DACH1: variants seen among roughly 807,000 people sequenced by gnomAD.
The protein encoded by DACH1 is dachshund family transcription factor 1, also known as dachshund homolog 1.
In DACH1, 12 loss-of-function variants were observed where a neutral mutation model predicts 54.2. That is an observed-to-expected ratio of 0.22 (90% CI 0.14 to 0.36). The LOEUF is 0.36. Ranked by LOEUF, DACH1 falls within the 10% of genes least tolerant of loss-of-function variation. The pLI is 1.00. For synonymous variants in DACH1, 386 were observed against 366.2 expected, an observed-to-expected ratio of 1.05 and a Z score of -0.62; for missense variants, 805 against 929.8, an observed-to-expected ratio of 0.87 and a Z score of 1.75.
At chr13:71,742,360 A>T (rs1884426910) in intron 1 of DACH1, among the ~76,000 whole-genome samples, 1 of 152,172 alleles carries the variant, frequency 6.6e-6, no homozygotes, top group South Asian at 2.1e-4. Context: ...AATTTTCCTC[A>T]GTTAAACTTC....
intron 6 of DACH1, among the ~76,000 whole-genome samples, chr13:71,522,768 T>C (rs1445147076): frequency 6.6e-6 from 1 of 152,142 alleles, no homozygotes; most frequent in African/African-American, 2.4e-5. Flanking sequence ...GAAAAGTTTA[T>C]TCCAAGGGTT....
At chr13:71,605,582 A>G (rs963862870) in intron 3 of DACH1, among the ~76,000 whole-genome samples, 39 of 151,990 alleles carry the variant, frequency 2.6e-4, no homozygotes, top group Admixed American at 6.6e-5. Flanking sequence ...ATAATAAAAC[A>G]TGTATGCTTA....
rs79939330 is a variant in DACH1 at position 71,578,544 on chromosome 13, C to A, written c.1127-5532G>T. 3.5e-3 allele frequency among the ~76,000 whole-genome samples: 526 copies of A among 152,238 alleles called. 1 individual carries two copies. The highest frequency in any genetic ancestry group is 0.017 in the Middle Eastern group (5 of 292). On this transcript the variant is annotated intron_variant, in intron 3 of 10. Coordinates refer to ENST00000613252, the MANE Select transcript of DACH1 (RefSeq NM_080759.6). ...GCATGAGTTGCGGAAACAGTCCTTT[C>A]ATGAAAGTTATTGTAATATAGTCTT...
At chr13:71,723,296 C>T (rs2137890191) in intron 1 of DACH1, among the ~76,000 whole-genome samples, 1 of 151,912 alleles carries the variant, frequency 6.6e-6, no homozygotes, top group Admixed American at 6.6e-5. Context: ...TGCCTGTAGC[C>T]CCAGCTACTC....
At chr13:71,481,776 T>C (rs1386990290) in intron 7 of DACH1, among the ~76,000 whole-genome samples, 1 of 152,166 alleles carries the variant, frequency 6.6e-6, no homozygotes, top group African/African-American at 2.4e-5. Context: ...AGCAGGGGGC[T>C]GGGAAAAGCA....
At position 71,817,695 on chromosome 13, in the gene DACH1, GATA is replaced by G. The variant is rs534492122; in HGVS notation, c.848+48224_848+48226del. ...TTTGTTTATATTGACTACATCTTAA[GATA>G]ATAATATTTTTAAGGTATTAAGGAA... On this transcript the variant is annotated intron_variant, in intron 1 of 10. Coordinates refer to ENST00000613252, the MANE Select transcript of DACH1 (RefSeq NM_080759.6). Among the ~76,000 whole-genome samples, 232 of 151,676 alleles carry G rather than the reference GATA, an allele frequency of 1.5e-3. 1 individual carries two copies. The highest frequency in any genetic ancestry group is 5.2e-3 in the African/African-American group (215 of 41,338).
chr13:71,848,915 G>T (rs1179551765), intron 1 of DACH1, among the ~76,000 whole-genome samples: 1 of 152,076 alleles, frequency 6.6e-6, no homozygotes, highest in Non-Finnish European at 1.5e-5. Flanking sequence ...TCTGAAATAA[G>T]GAGAAAAGTT....
At chr13:71,447,811 GA>G (rs745823885) in intron 10 of DACH1, among the ~76,000 whole-genome samples, 240 of 86,580 alleles carry the variant, frequency 2.8e-3, no homozygotes, top group African/African-American at 6.4e-3. Context: ...CCAGCCTGGA[GA>G]AAAAAAAAAA....
At chr13:71,818,904 C>A (rs1676297354) in intron 1 of DACH1, among the ~76,000 whole-genome samples, 1 of 152,144 alleles carries the variant, frequency 6.6e-6, no homozygotes, top group African/African-American at 2.4e-5. Context: ...TACATCTTTG[C>A]TAATCATGAA....
rs571116061 is a variant in DACH1 at position 71,525,912 on chromosome 13, C to CTGCTGATATACAAGTT, written c.1570+31096_1570+31111dup. ...CTGCTTCAAAATCAAGTCGAGACTG[C>CTGCTGATATACAAGTT]TGCTGATATACAAGTTTGAAGAACC... is the stretch of plus-strand genomic sequence containing the variant. On this transcript the variant is annotated intron_variant, in intron 6 of 10. Coordinates refer to ENST00000613252, the MANE Select transcript of DACH1 (RefSeq NM_080759.6). Among the ~76,000 whole-genome samples, 48 of 152,172 alleles carry CTGCTGATATACAAGTT rather than the reference C, an allele frequency of 3.2e-4. No individual in the cohort carries two copies. The South Asian group carries it at 9.5e-3, about 30-fold the overall frequency.
At chr13:71,677,337 T>C (rs897938476) in intron 2 of DACH1, among the ~76,000 whole-genome samples, 21 of 152,196 alleles carry the variant, frequency 1.4e-4, no homozygotes, top group Non-Finnish European at 1.8e-4. Flanking sequence ...AAGAACTTTC[T>C]TTCTTTCATT....
chr13:71,774,642 AACTTTTG>A (rs1311264283), intron 1 of DACH1, among the ~76,000 whole-genome samples: 5 of 152,248 alleles, frequency 3.3e-5, no homozygotes, highest in African/African-American at 1.2e-4. Context: ...AAAGCTTAGT[AACTTTTG>A]ACTCATTCTT....
chr13:71,549,994 T>C (rs970848438), intron 6 of DACH1, among the ~76,000 whole-genome samples: 1 of 152,166 alleles, frequency 6.6e-6, no homozygotes, highest in Admixed American at 6.6e-5. Flanking sequence ...TGTAGTTAAT[T>C]TAGCAATTTT....
At chr13:71,683,807 A>G (rs1386539771) in intron 1 of DACH1, among the ~76,000 whole-genome samples, 1 of 152,100 alleles carries the variant, frequency 6.6e-6, no homozygotes, top group African/African-American at 2.4e-5. Context: ...CTTAGATGCT[A>G]AGGGCTAAGG....
intron 1 of DACH1, among the ~76,000 whole-genome samples, chr13:71,743,620 C>T (rs1458111547): frequency 6.6e-6 from 1 of 152,166 alleles, no homozygotes; most frequent in Non-Finnish European, 1.5e-5. Flanking sequence ...TGGAGAATAT[C>T]CTATGCCAGG....
chr13:71,788,778 A>AG (rs2138086933), intron 1 of DACH1, among the ~76,000 whole-genome samples: 1 of 152,172 alleles, frequency 6.6e-6, no homozygotes, highest in East Asian at 1.9e-4. Flanking sequence ...CATAATTGGA[A>AG]AAAATGCATA....
chr13:71,566,572 T>C (rs1336711094), intron 4 of DACH1, among the ~76,000 whole-genome samples: 1 of 152,182 alleles, frequency 6.6e-6, no homozygotes, highest in African/African-American at 2.4e-5. Context: ...TTATTGTCCT[T>C]TAAAAACATC....
At chr13:71,481,705 A>T (rs532551082) in intron 7 of DACH1, among the ~76,000 whole-genome samples, 24 of 152,338 alleles carry the variant, frequency 1.6e-4, no homozygotes, top group African/African-American at 5.3e-4. Context: ...ATGCAAAAGT[A>T]TGTTACCGCC....
chr13:71,665,741 A>G (rs1175678007), intron 2 of DACH1, among the ~76,000 whole-genome samples: 1 of 152,102 alleles, frequency 6.6e-6, no homozygotes, highest in Non-Finnish European at 1.5e-5. Flanking sequence ...ATCTTCTTTC[A>G]ATTCTGATCA....
Sources: gnomAD v4.1 joint callset for allele counts (sites outside exome capture counted in the v4.1 genomes callset) on GRCh38, gnomAD v4.1.1 for gene constraint, MANE v1.5 for transcripts, NCBI Gene and HGNC (gene_info 2026-07-23, HGNC 2026-07-21) for gene names.